The following APC2 variants were observed in gnomAD, a reference collection of about 807,000 sequenced individuals.
APC2 encodes the protein adenomatous polyposis coli protein 2.
A neutral mutation model predicts 72.5 loss-of-function variants in APC2; 41 were observed. The observed-to-expected ratio is 0.57, with a 90% CI of 0.44 to 0.73. The LOEUF (loss-of-function observed/expected upper bound fraction) is 0.73. APC2 is among the 30% of genes least tolerant of loss of function. The probability of loss-of-function intolerance (pLI) is 0.00; values close to 1 mark genes in which losing one functional copy is unlikely to be tolerated. For synonymous variants in APC2, 1,898 were observed against 1,612.0 expected, an observed-to-expected ratio of 1.18 and a Z score of -4.25; for missense variants, 3,729 against 3,403.4, an observed-to-expected ratio of 1.10 and a Z score of -2.38.
intron 9 of APC2, 131 bp from the exon 10 acceptor site, chr19:1,457,834 C>T: frequency 1.3e-6 from 1 of 756,538 alleles, no homozygotes; most frequent in Admixed American, 2.1e-5. Context: ...GAAAGGAAGT[C>T]CCAACTTTGC....
intron 10 of APC2, among the ~76,000 whole-genome samples, chr19:1,459,431 G>C (rs2083890038): frequency 6.6e-6 from 1 of 152,162 alleles, no homozygotes; most frequent in Non-Finnish European, 1.5e-5. Context: ...GGGCACGCTG[G>C]GCTGACCCAC....
In APC2 at chr19:1,469,521, C is replaced by T; in HGVS notation, c.6220C>T (p.Arg2074Trp). 1 of 1,162,124 alleles carries T rather than the reference C, an allele frequency of 8.6e-7. No individual in the cohort carries two copies. The highest frequency in any genetic ancestry group is 1.1e-6 in the Non-Finnish European group (1 of 935,964). 72.0% of individuals were successfully genotyped at this position (1,162,124 alleles called of 1,614,324 possible). The change falls in exon 15 of 15, where the codon CGG becomes TGG. Residue 2074 changes from arginine to tryptophan, a missense_variant. Physicochemically the swap from Arg to Trp is moderately radical, Grantham distance 101. Transcript: ENST00000590469. The part of the protein sequence containing the change: ...ARPSPGERPA[R>W]RTTSESPSRL... ...ACCCAGCCCTGGCGAGCGCCCTGCC[C>T]GGCGCACCACCTCCGAGAGCCCGTC... is the stretch of plus-strand genomic sequence containing the variant.
rs2083764615 is a variant in APC2, at chr19:1,453,121, G to T, written c.120G>T (p.Glu40Asp). 1 of 1,606,152 alleles carries T rather than the reference G, an allele frequency of 6.2e-7. No homozygotes were observed. The highest frequency in any genetic ancestry group is 1.3e-5 in the African/African-American group (1 of 74,828). Residue 40 changes from glutamate (E) to aspartate (D), a missense_variant, in exon 2 of 15, where the codon GAG (glutamate) becomes GAT (aspartate). Transcript: ENST00000590469. The stretch of plus-strand genomic sequence containing the variant: ...ACTCCAGCCACCTGTCCAAGCTGGA[G>T]ACAGAGACGTCGGGCATGAAGGTGG... Reference protein sequence around the residue: ...RDNSSHLSKLETETSGMKEVL... With the variant: ...RDNSSHLSKLDTETSGMKEVL...
In APC2 at chr19:1,452,789, C is replaced by G; in HGVS notation, c.-18-195C>G. The G allele has an allele frequency of 1.6e-6, 1 of 621,752 alleles. No homozygotes were observed. Among genetic ancestry groups the G allele is most frequent in the Non-Finnish European group, 2.7e-6 (1 of 366,628 alleles). 38.5% of individuals were successfully genotyped at this position (621,752 alleles called of 1,614,324 possible). ...TGGGGCCACCTCTCACTCCACCTGCCCCTCTGCGCCCCGGATTGCCTGGCC... is the reference window on the plus strand; with the variant it reads ...TGGGGCCACCTCTCACTCCACCTGCGCCTCTGCGCCCCGGATTGCCTGGCC... On this transcript the variant is annotated intron_variant, in intron 1 of 14. Coordinates refer to ENST00000590469, the MANE Select transcript of APC2 (RefSeq NM_005883.3). The surrounding 1 kb of genome is among the most constrained non-coding windows in gnomAD (Gnocchi z 5.1).
In APC2 at chr19:1,470,093, C is replaced by G. The variant is rs748185164; in HGVS notation, c.6792C>G (p.Pro2264=). ...GGFPASRHGS[P]SRSARVPPFN... ...TCCCCGCCAGCCGGCACGGCTCCCC[C>G]AGCCGCTCGGCCCGAGTACCCCCCT... The change falls in exon 15 of 15, where the codon CCC becomes CCG. Residue 2264 remains proline, a synonymous_variant. Transcript: ENST00000590469. 32 of 1,604,578 alleles carry G rather than the reference C, an allele frequency of 2.0e-5. No homozygotes were observed. In the African/African-American group the frequency reaches 4.2e-4, roughly 21 times the overall value.
At chr19:1,448,641 C>T (rs747904026), upstream of APC2, among the ~76,000 whole-genome samples, 4 of 150,932 alleles carry the variant, frequency 2.7e-5, no homozygotes, top group Admixed American at 6.6e-5. Context: ...GTCAGGAGAT[C>T]GAGACCATCC....
At chr19:1,459,517 G>A (rs572541725) in intron 10 of APC2, among the ~76,000 whole-genome samples, 7 of 152,324 alleles carry the variant, frequency 4.6e-5, no homozygotes, top group Admixed American at 2.0e-4. Context: ...CTGGATGTAC[G>A]CGTTTCAGGC....
At chr19:1,448,568 G>A (rs1317867681), upstream of APC2, among the ~76,000 whole-genome samples, 2 of 144,660 alleles carry the variant, frequency 1.4e-5, no homozygotes, top group Non-Finnish European at 3.0e-5. Context: ...AAAAAAGGCC[G>A]GGCGTGGTGG....
At chr19:1,450,512 C>T (rs937542126) in intron 1 of APC2, among the ~76,000 whole-genome samples, 174 bp downstream of exon 1, 1 of 152,212 alleles carries the variant, frequency 6.6e-6, no homozygotes, top group East Asian at 1.9e-4. Context: ...TTTCTGCAGC[C>T]GGTCCTGCGC....
intron 4 of APC2, 142 bp downstream of exon 4, chr19:1,453,753 C>T: frequency 2.6e-6 from 3 of 1,161,760 alleles, no homozygotes; most frequent in Non-Finnish European, 3.6e-6. Flanking sequence ...CACTGCCCAC[C>T]GAACAACCCC....
chr19:1,469,481 GC>G lies in APC2; in HGVS notation c.6186del (p.Ala2063ArgfsTer272). On this transcript the variant is annotated frameshift_variant, in exon 15 of 15. Transcript: ENST00000590469. LOFTEE classifies it low-confidence loss of function (END_TRUNC). ...AGGGCCCGGCCCCGGCCCGGCAGCG[GC>G]CCCCCGCGGCCCGACCCAGCCCTGG... ...RQGPAPARQR[P>X]PAARPSPGER... The G allele has an allele frequency of 2.7e-5, 30 of 1,101,836 alleles. No homozygotes were observed. Among genetic ancestry groups the G allele is most frequent in the South Asian group, 2.2e-4 (6 of 27,838 alleles). 68.3% of individuals were successfully genotyped at this position (1,101,836 alleles called of 1,614,324 possible). A position where few individuals can be genotyped will look rare whatever the true frequency, so the allele number is the denominator to read the frequency against.
chr19:1,469,458 G>A lies in APC2; in HGVS notation c.6157G>A (p.Gly2053Ser). ...CEELRAAPRQ[G>S]PAPARQRPPA... ...AGAGCTCCGAGCGGCACCCCGGCAG[G>A]GCCCGGCCCCGGCCCGGCAGCGGCC... is the stretch of plus-strand genomic sequence containing the variant. The change falls in exon 15 of 15, where the codon GGC becomes AGC. Residue 2053 changes from glycine (G) to serine (S), a missense_variant. Physicochemically the swap from Gly to Ser is moderately conservative, Grantham distance 56. Transcript: ENST00000590469. 1 of 1,139,148 alleles carries A rather than the reference G, an allele frequency of 8.8e-7. No homozygotes were observed. The highest frequency in any genetic ancestry group is 1.1e-6 in the Non-Finnish European group (1 of 932,086). The allele number at this position is 1,139,148 out of a possible 1,614,324, so 70.6% of individuals were successfully genotyped here.
chr19:1,453,151 C>G lies in APC2; in HGVS notation c.141+9C>G, dbSNP rs768209025. 2.5e-6 allele frequency: 4 copies of G among 1,595,874 alleles called. No individual in the cohort carries two copies. Among genetic ancestry groups the G allele is most frequent in the Non-Finnish European group, 3.4e-6 (4 of 1,171,748 alleles). On this transcript the variant is annotated intron_variant, in intron 2 of 14. Transcript: ENST00000590469. ...AGACGTCGGGCATGAAGGTGGGGGC[C>G]TACATGGAGGAGGTGGGCTAGGGTC... is the stretch of plus-strand genomic sequence containing the variant.
intron 14 of APC2, among the ~76,000 whole-genome samples, chr19:1,462,548 G>A (rs549578290): frequency 2.0e-5 from 3 of 151,112 alleles, no homozygotes; most frequent in East Asian, 2.0e-4. Context: ...CCAGCTACTC[G>A]GGAGGCTGAG....
chr19:1,468,023 G>T lies in APC2; in HGVS notation c.4722G>T (p.Pro1574=), dbSNP rs750358252. 1 of 1,584,866 alleles carries T rather than the reference G, an allele frequency of 6.3e-7. No individual in the cohort carries two copies. The highest frequency in any genetic ancestry group is 8.5e-7 in the Non-Finnish European group (1 of 1,174,390). The change falls in exon 15 of 15, where the codon CCG becomes CCT. Residue 1574 remains proline (P), a synonymous_variant. Coordinates refer to ENST00000590469, the MANE Select transcript of APC2 (RefSeq NM_005883.3). The part of the protein sequence containing the change: ...TQPSLIADET[P]PCYSLSSSAS... ...CCAGCCTCATTGCTGACGAGACCCC[G>T]CCCTGCTACTCCCTGAGCTCCTCCG... is the stretch of plus-strand genomic sequence containing the variant.
chr19:1,454,721 G>A (rs1037478752), intron 4 of APC2, among the ~76,000 whole-genome samples: 1 of 151,858 alleles, frequency 6.6e-6, no homozygotes, highest in East Asian at 1.9e-4. Flanking sequence ...CCGCCACCAC[G>A]CCCGGCTAAT....
intron 14 of APC2, among the ~76,000 whole-genome samples, chr19:1,463,704 C>T (rs2083962401): frequency 6.6e-6 from 1 of 151,932 alleles, no homozygotes; most frequent in Admixed American, 6.6e-5. Flanking sequence ...GACCTGTGAT[C>T]ACGCTACTGC....
rs1364086941 is a variant in APC2, at chr19:1,469,943, C to G, written c.6642C>G (p.Pro2214=). 5 of 1,512,194 alleles carry G rather than the reference C, an allele frequency of 3.3e-6. No homozygotes were observed. The highest frequency in any genetic ancestry group is 4.4e-6 in the Non-Finnish European group (5 of 1,136,992). 93.7% of individuals were successfully genotyped at this position (1,512,194 alleles called of 1,614,324 possible). The part of the protein sequence containing the change: ...STSPSLETRE[P]PGAPAGGQLS... ...CCCCGAGCCTGGAGACCAGGGAGCC[C>G]CCCGGGGCCCCCGCCGGCGGCCAGC... Residue 2214 remains proline, a synonymous_variant, in exon 15 of 15, where the codon CCC becomes CCG. Coordinates refer to ENST00000590469, the MANE Select transcript of APC2 (RefSeq NM_005883.3).
At chr19:1,454,603 G>C (rs1382498907) in intron 4 of APC2, among the ~76,000 whole-genome samples, 1 of 135,050 alleles carries the variant, frequency 7.4e-6, no homozygotes, top group African/African-American at 2.9e-5. Context: ...TCGCTCTGTC[G>C]CCCAAGCTGG....
Sources: allele counts gnomAD v4.1 joint callset (sites outside exome capture counted in the v4.1 genomes callset), GRCh38; gene constraint gnomAD v4.1.1; non-coding constraint Gnocchi (gnomAD v3.1); transcripts MANE v1.5; gene names NCBI Gene and HGNC (gene_info 2026-07-23, HGNC 2026-07-21).